Variants in PHC2 observed in about 807,000 individuals in gnomAD.
The protein encoded by PHC2 is polyhomeotic homolog 2.
In PHC2, 29 loss-of-function variants were observed where a neutral mutation model predicts 87.4. The ratio of observed to expected loss-of-function variants is 0.33; its 90% CI spans 0.25 to 0.45. PHC2 has a LOEUF of 0.45. Among genes scored for constraint, PHC2 ranks in the 20% least tolerant of loss-of-function variants. The probability of loss-of-function intolerance (pLI) is 1.00; values close to 1 mark genes in which losing one functional copy is unlikely to be tolerated. For synonymous variants in PHC2, 438 were observed against 461.7 expected (o/e 0.95, Z 0.66); for missense variants, 857 against 1,136.7 (o/e 0.75, Z 3.54).
At chr1:33,420,924 T>C (rs1359527217) in intron 1 of PHC2, among the ~76,000 whole-genome samples, 7 of 152,212 alleles carry the variant, frequency 4.6e-5, no homozygotes, top group Non-Finnish European at 8.8e-5. Flanking sequence ...TTTCACCTCT[T>C]TGAGCCTGTT....
intron 7 of PHC2, among the ~76,000 whole-genome samples, chr1:33,366,575 T>C (rs1423000934): frequency 1.3e-5 from 2 of 152,242 alleles, no homozygotes. Context: ...GCATATGCAC[T>C]GCACTCTCTG....
chr1:33,331,551 C>G lies in PHC2; in HGVS notation c.1892-89G>C. ...CACCACGGGGCCTCCCTACTCCATC[C>G]TGCCTGGTCCTCCTGCTCCCACAGC... On this transcript the variant is annotated intron_variant, in intron 11 of 14. Transcript: ENST00000683057. This position sits in a 1 kb window ranked among gnomAD's most constrained non-coding sequence, Gnocchi z 5.2. The G allele has an allele frequency of 1.4e-6, 1 of 719,132 alleles. No homozygotes were observed. Among genetic ancestry groups the G allele is most frequent in the South Asian group, 1.7e-5 (1 of 60,312 alleles). The allele number at this position is 719,132 out of a possible 1,614,324, so 44.5% of individuals were successfully genotyped here.
chr1:33,384,476 T>C (rs1648642933), intron 1 of PHC2, among the ~76,000 whole-genome samples: 1 of 152,214 alleles, frequency 6.6e-6, no homozygotes, highest in Non-Finnish European at 1.5e-5. Flanking sequence ...AACCTCAAAA[T>C]ACCTCCACGT....
chr1:33,379,879 G>A (rs1570500255), intron 1 of PHC2, among the ~76,000 whole-genome samples: 1 of 151,568 alleles, frequency 6.6e-6, no homozygotes, highest in Non-Finnish European at 1.5e-5. Context: ...CTGGCTCCCC[G>A]TGGCTCTCCC....
chr1:33,343,030 T>C (rs1646774726), intron 9 of PHC2, among the ~76,000 whole-genome samples: 1 of 152,204 alleles, frequency 6.6e-6, no homozygotes, highest in Non-Finnish European at 1.5e-5. Context: ...TTCTGAGTCT[T>C]GGTTTCTCCA....
intron 1 of PHC2, among the ~76,000 whole-genome samples, chr1:33,378,214 A>G: frequency 6.6e-6 from 1 of 152,316 alleles, no homozygotes; most frequent in African/African-American, 2.4e-5. Flanking sequence ...CGCTGTCAAA[A>G]TCCACTTTAT....
intron 7 of PHC2, among the ~76,000 whole-genome samples, chr1:33,360,474 A>G (rs1002667594): frequency 4.7e-5 from 7 of 149,936 alleles, no homozygotes; most frequent in African/African-American, 1.7e-4. Flanking sequence ...TAGGCTGTGC[A>G]ATCTTAGATA....
At chr1:33,411,714 C>T (rs1003393028) in intron 1 of PHC2, among the ~76,000 whole-genome samples, 1 of 152,072 alleles carries the variant, frequency 6.6e-6, no homozygotes, top group Admixed American at 6.6e-5. Context: ...GTGCGCGCCA[C>T]CACGCCCAGC....
chr1:33,365,283 G>A lies in PHC2; in HGVS notation c.976+1833C>T, dbSNP rs145617747. Among the ~76,000 whole-genome samples the A allele has an allele frequency of 2.2e-3, 342 of 152,306 alleles. 5 individuals carry two copies. The East Asian group carries it at 0.024, about 11-fold the overall frequency. On this transcript the variant is annotated intron_variant, in intron 7 of 14. Transcript: ENST00000683057. ...GCACGTTATCTAGCACACGACGGAC[G>A]TCCTGTGAGTGCTGGTCCCGTTTCT... is the stretch of plus-strand genomic sequence containing the variant.
rs1646933721 is a variant in PHC2, at chr1:33,349,949, G to A, written c.1558+4452C>T. Reference sequence around the variant, plus strand: ...GCCGCCTCCGCCGGGGGCGGGGCGAGGGAGCGGGGCGGGGAGGGGCGGGGC... The same window carrying A: ...GCCGCCTCCGCCGGGGGCGGGGCGAAGGAGCGGGGCGGGGAGGGGCGGGGC... On this transcript the variant is annotated intron_variant, in intron 9 of 14. Transcript: ENST00000683057. This position sits in a 1 kb window ranked among gnomAD's most constrained non-coding sequence, Gnocchi z 4.2. The A allele has an allele frequency of 1.9e-5, 12 of 639,984 alleles. No individual in the cohort carries two copies. The highest frequency in any genetic ancestry group is 2.3e-5 in the Non-Finnish European group (12 of 515,942). 39.6% of individuals were successfully genotyped at this position (639,984 alleles called of 1,614,324 possible).
At chr1:33,363,373 C>A (rs76659845) in intron 7 of PHC2, 14 of 152,182 alleles carry the variant, frequency 9.2e-5, no homozygotes, top group African/African-American at 3.1e-4. Context: ...GACAGTCCCA[C>A]CTGTATGCTT....
intron 1 of PHC2, among the ~76,000 whole-genome samples, chr1:33,411,627 C>G (rs1400827687): frequency 6.6e-6 from 1 of 152,110 alleles, no homozygotes; most frequent in Non-Finnish European, 1.5e-5. Context: ...GTGGCATGAT[C>G]TCGGCTCACT....
intron 7 of PHC2, chr1:33,363,870 C>T: frequency 8.1e-6 from 8 of 985,348 alleles, no homozygotes; most frequent in Non-Finnish European, 9.6e-6. Context: ...CCAAGGGACC[C>T]CTGCTGCCTG....
chr1:33,389,863 G>T (rs1300397527), intron 1 of PHC2, among the ~76,000 whole-genome samples: 1 of 151,998 alleles, frequency 6.6e-6, no homozygotes, highest in African/African-American at 2.4e-5. Flanking sequence ...TTCCCTATTT[G>T]CAGGGGAAAA....
chr1:33,329,232 T>C, intron 13 of PHC2, 86 bp from the exon 14 acceptor site: 1 of 1,378,232 alleles, frequency 7.3e-7, no homozygotes, highest in Non-Finnish European at 9.9e-7. Context: ...CTCCTTTTTC[T>C]ACTTGGCCTA....
intron 13 of PHC2, 43 bp from the exon 14 acceptor site, chr1:33,329,189 C>CT (rs761112487): frequency 7.5e-6 from 12 of 1,590,800 alleles, no homozygotes; most frequent in Non-Finnish European, 9.4e-6. Context: ...AACAAACCAT[C>CT]TCTAGCAGCA....
intron 9 of PHC2, chr1:33,347,301 G>A: frequency 1.0e-6 from 1 of 985,380 alleles, no homozygotes; most frequent in Non-Finnish European, 1.2e-6. Flanking sequence ...CCCTGAAGGA[G>A]GCAGAGAATG....
chr1:33,370,333 C>T lies in PHC2; in HGVS notation c.576+88G>A, dbSNP rs541182483. On this transcript the variant is annotated intron_variant, in intron 5 of 14. Coordinates refer to ENST00000683057, the MANE Select transcript of PHC2 (RefSeq NM_001385109.1). The stretch of plus-strand genomic sequence containing the variant: ...CTGCCCCTGCCCCTAGTGCTTCCTC[C>T]CCACCCTTCTCCAGCTCCCAGCTCC... 14 of 1,376,618 alleles carry T rather than the reference C, an allele frequency of 1.0e-5. No homozygotes were observed. The South Asian group carries it at 1.3e-4, about 13-fold the overall frequency. The allele number at this position is 1,376,618 out of a possible 1,614,324, so 85.3% of individuals were successfully genotyped here.
intron 1 of PHC2, among the ~76,000 whole-genome samples, chr1:33,389,184 G>A (rs1020763514): frequency 1.3e-5 from 2 of 152,084 alleles, no homozygotes; most frequent in Non-Finnish European, 2.9e-5. Flanking sequence ...GGCAGGGTGT[G>A]GGGGGTGCGA....
Sources: allele counts gnomAD v4.1 joint callset (sites outside exome capture counted in the v4.1 genomes callset), GRCh38; gene constraint gnomAD v4.1.1; non-coding constraint Gnocchi (gnomAD v3.1); transcripts MANE v1.5; gene names NCBI Gene and HGNC (gene_info 2026-07-23, HGNC 2026-07-21).